ERV3-1: variants seen among roughly 807,000 people sequenced by gnomAD.
ERV3-1 encodes endogenous retrovirus group 3 member 1, envelope.
Under a neutral mutation model 24.6 loss-of-function variants are expected in ERV3-1, and 36 were observed. The ratio of observed to expected loss-of-function variants is 1.47; its 90% CI spans 1.12 to 1.94. The LOEUF (loss-of-function observed/expected upper bound fraction) is 1.94, where lower values mean the gene tolerates loss of function less well. Among genes scored for constraint, ERV3-1 ranks in the 30% most tolerant of loss-of-function variants. The pLI, the probability that ERV3-1 is intolerant of heterozygous loss-of-function variation, is 0.00. For synonymous variants in ERV3-1, 211 were observed against 122.6 expected (o/e 1.72, Z -4.76); for missense variants, 578 against 330.9 (o/e 1.75, Z -5.79).
At chr7:64,996,348 G>C (rs1420029470) in intron 1 of ERV3-1, among the ~76,000 whole-genome samples, 1 of 152,170 alleles carries the variant, frequency 6.6e-6, no homozygotes, top group East Asian at 1.9e-4. Context: ...AACTGGAGTT[G>C]CTCCTGGTTT....
rs1278522562 is a variant in ERV3-1, at chr7:64,992,523, G to A, written c.504C>T (p.Cys168=). 9 of 766,270 alleles carry A rather than the reference G, an allele frequency of 1.2e-5. No individual in the cohort carries two copies. The highest frequency in any genetic ancestry group is 1.0e-4 in the Admixed American group (6 of 59,004). The allele number at this position is 766,270 out of a possible 1,614,324, so 47.5% of individuals were successfully genotyped here. Residue 168 remains cysteine, a synonymous_variant, in exon 2 of 2, where the codon TGC becomes TGT. Coordinates refer to ENST00000394323, the MANE Select transcript of ERV3-1 (RefSeq NM_001007253.4). ...TDSPVTTCWD[C]TTWSTNQQSL... ...ATTGTTGGTTAGTGGACCACGTTGT[G>A]CAGTCCCAGCAAGTTGTTACTGGGG...
chr7:65,001,675 G>C (rs866832652), intron 1 of ERV3-1, among the ~76,000 whole-genome samples: 1 of 152,174 alleles, frequency 6.6e-6, no homozygotes, highest in Admixed American at 6.5e-5. Flanking sequence ...CTGTGTACAG[G>C]AGAGCAGAGT....
At chr7:64,998,759 C>T (rs1295417766) in intron 1 of ERV3-1, among the ~76,000 whole-genome samples, 1 of 152,096 alleles carries the variant, frequency 6.6e-6, no homozygotes, top group Non-Finnish European at 1.5e-5. Context: ...TGGGGCACCT[C>T]CCTAAGCCAT....
Position 65,006,680 on chromosome 7 carries a change from C to T in ERV3-1, c.-528G>A. On this transcript the variant is annotated 5_prime_UTR_variant, in exon 1 of 2. Transcript: ENST00000394323. Reference sequence around the variant, plus strand: ...ACTACACCAGAAGCTCCGGCTGCCGCCAGAGACAAAGGCCCCACCAAACCC... The same window carrying T: ...ACTACACCAGAAGCTCCGGCTGCCGTCAGAGACAAAGGCCCCACCAAACCC... The T allele has an allele frequency of 6.8e-7, 1 of 1,473,176 alleles. No homozygotes were observed. Among genetic ancestry groups the T allele is most frequent in the Non-Finnish European group, 9.4e-7 (1 of 1,059,406 alleles). The allele number at this position is 1,473,176 out of a possible 1,614,324, so 91.3% of individuals were successfully genotyped here. A position where few individuals can be genotyped will look rare whatever the true frequency, so the allele number is the denominator to read the frequency against.
At position 65,001,134 on chromosome 7, in the gene ERV3-1, G is replaced by A. The variant is rs79750864; in HGVS notation, c.-389+5407C>T. On this transcript the variant is annotated intron_variant, in intron 1 of 1. Coordinates refer to ENST00000394323, the MANE Select transcript of ERV3-1 (RefSeq NM_001007253.4). ...AAATAATCTGCATGCCAAACCCCCC[G>A]TGACACAATTTCACCCACATAACAA... Among the ~76,000 whole-genome samples the A allele has an allele frequency of 7.5e-3, 1,146 of 152,174 alleles. 14 individuals carry two copies. Among genetic ancestry groups the A allele is most frequent in the African/African-American group, 0.024 (1,013 of 41,496 alleles).
At chr7:65,003,268 G>T (rs1786563377) in intron 1 of ERV3-1, among the ~76,000 whole-genome samples, 2 of 152,156 alleles carry the variant, frequency 1.3e-5, no homozygotes, top group African/African-American at 4.8e-5. Context: ...GATCACCTGA[G>T]GTCAGGAGTT....
chr7:65,006,572 T>C lies in ERV3-1; in HGVS notation c.-420A>G. ...TAGGCTTCCAGTGGGTCCTGGCGTC[T>C]TAGCTGTGGATCTCCCAATACCTGC... On this transcript the variant is annotated 5_prime_UTR_variant, in exon 1 of 2. Coordinates refer to ENST00000394323, the MANE Select transcript of ERV3-1 (RefSeq NM_001007253.4). 2 of 1,575,500 alleles carry C rather than the reference T, an allele frequency of 1.3e-6. No homozygotes were observed. Among genetic ancestry groups the C allele is most frequent in the Non-Finnish European group, 1.7e-6 (2 of 1,146,602 alleles).
At chr7:65,003,737 T>G (rs1470368476) in intron 1 of ERV3-1, 1 of 152,164 alleles carries the variant, frequency 6.6e-6, no homozygotes, top group East Asian at 1.9e-4. Context: ...TTATTTCCAT[T>G]AAAAATCATG....
rs28888178 is a variant in ERV3-1, at chr7:64,997,252, C to T, written c.-388-3838G>A. Among the ~76,000 whole-genome samples the T allele has an allele frequency of 1.1e-3, 170 of 152,278 alleles. 1 individual carries two copies. The highest frequency in any genetic ancestry group is 3.6e-3 in the African/African-American group (149 of 41,576). On this transcript the variant is annotated intron_variant, in intron 1 of 1. Transcript: ENST00000394323. ...TCAGCCTCTCTTTGTCTCCTGGTTA[C>T]GGTTAACATACACCTTGGTGGCCAC...
chr7:65,002,526 TC>T (rs1203354195), intron 1 of ERV3-1, among the ~76,000 whole-genome samples: 1 of 152,108 alleles, frequency 6.6e-6, no homozygotes, highest in African/African-American at 2.4e-5. Context: ...TGGGGTTTCG[TC>T]ATGTTGGCCA....
At chr7:65,000,967 CTAAG>C (rs1226778860) in intron 1 of ERV3-1, among the ~76,000 whole-genome samples, 8 of 152,018 alleles carry the variant, frequency 5.3e-5, no homozygotes, top group Non-Finnish European at 1.2e-4. Flanking sequence ...GTTCTCATTT[CTAAG>C]TAAGAGCTAA....
chr7:64,998,064 G>A (rs963191460), intron 1 of ERV3-1, among the ~76,000 whole-genome samples: 2 of 152,118 alleles, frequency 1.3e-5, no homozygotes, highest in Non-Finnish European at 1.5e-5. Context: ...TTCCCCCTTT[G>A]AGGTGTAGCC....
rs140102788 is a variant in ERV3-1, at chr7:64,998,182, C to A, written c.-388-4768G>T. Among the ~76,000 whole-genome samples the A allele has an allele frequency of 1.8e-4, 27 of 152,254 alleles. No homozygotes were observed. In the East Asian group the frequency reaches 5.2e-3, roughly 29 times the overall value. ...TTTCTATCTCCTCTGCTGGTTCCTG[C>A]AAAACTGGTTTTTCTTGTGGCTTTC... is the stretch of plus-strand genomic sequence containing the variant. On this transcript the variant is annotated intron_variant, in intron 1 of 1. Transcript: ENST00000394323.
chr7:64,991,021 G>A lies in ERV3-1; in HGVS notation c.*191C>T. 2.0e-6 allele frequency: 1 copy of A among 488,644 alleles called. No individual in the cohort carries two copies. Among genetic ancestry groups the A allele is most frequent in the East Asian group, 3.1e-5 (1 of 32,598 alleles). 30.3% of individuals were successfully genotyped at this position (488,644 alleles called of 1,614,324 possible). On this transcript the variant is annotated 3_prime_UTR_variant, in exon 2 of 2. Coordinates refer to ENST00000394323, the MANE Select transcript of ERV3-1 (RefSeq NM_001007253.4). ...TTTTCTTGGCAGGGGTTAATACTTA[G>A]TTAGGGCCATTAGTCGTGTGGTAGT...
Position 64,991,937 on chromosome 7 carries a change from C to T in ERV3-1, c.1090G>A (p.Gly364Arg), listed in dbSNP as rs1562651383. 2 of 766,336 alleles carry T rather than the reference C, an allele frequency of 2.6e-6. No individual in the cohort carries two copies. Among genetic ancestry groups the T allele is most frequent in the East Asian group, 2.4e-5 (1 of 41,244 alleles). The allele number at this position is 766,336 out of a possible 1,614,324, so 47.5% of individuals were successfully genotyped here. The change falls in exon 2 of 2, where the codon GGA becomes AGA. Residue 364 changes from glycine to arginine, a missense_variant. By Grantham distance (125) the Gly-to-Arg change is moderately radical. Coordinates refer to ENST00000394323, the MANE Select transcript of ERV3-1 (RefSeq NM_001007253.4). The part of the protein sequence containing the change: ...TDPVGELTCL[G>R]QQYYNETLGK... Reference sequence around the variant, plus strand: ...AGTGTCTCGTTGTAATATTGTTGTCCTAGGCAAGTTAACTCTCCTACTGGG... The same window carrying T: ...AGTGTCTCGTTGTAATATTGTTGTCTTAGGCAAGTTAACTCTCCTACTGGG...
intron 1 of ERV3-1, among the ~76,000 whole-genome samples, chr7:64,997,557 C>G (rs187763957): frequency 1.9e-3 from 289 of 152,260 alleles, no homozygotes; most frequent in Non-Finnish European, 3.6e-3. Context: ...CCTCCCAGTA[C>G]CTCTGTAGGT....
intron 1 of ERV3-1, chr7:65,003,576 T>G (rs1490576314): frequency 1.3e-5 from 2 of 152,216 alleles, no homozygotes; most frequent in Non-Finnish European, 2.9e-5. Flanking sequence ...AATTTCCATG[T>G]CAGAGTTATT....
intron 1 of ERV3-1, among the ~76,000 whole-genome samples, chr7:64,994,356 G>A (rs184206193): frequency 1.2e-4 from 19 of 152,196 alleles, no homozygotes; most frequent in African/African-American, 4.8e-5. Context: ...GGGAATGGCC[G>A]ACCTCCCATC....
At chr7:64,994,177 C>T (rs927171007) in intron 1 of ERV3-1, among the ~76,000 whole-genome samples, 1 of 152,126 alleles carries the variant, frequency 6.6e-6, no homozygotes, top group African/African-American at 2.4e-5. Flanking sequence ...GCCGAGTGGG[C>T]CATTGTCATG....
Sources: allele counts gnomAD v4.1 joint callset (sites outside exome capture counted in the v4.1 genomes callset), GRCh38; gene constraint gnomAD v4.1.1; transcripts MANE v1.5; gene names NCBI Gene and HGNC (gene_info 2026-07-23, HGNC 2026-07-21).